Variants in LMO1 observed in about 807,000 individuals in gnomAD.
LMO1 encodes the protein rhombotin-1.
In LMO1, 10 loss-of-function variants were observed where a neutral mutation model predicts 18.0. The observed-to-expected ratio is 0.55, with a 90% CI of 0.34 to 0.94. The LOEUF (loss-of-function observed/expected upper bound fraction) is 0.94. Ranked by LOEUF, LMO1 falls within the 40% of genes least tolerant of loss-of-function variation. LMO1 has a pLI of 0.02. For synonymous variants in LMO1, 77 were observed against 77.9 expected (o/e 0.99, Z 0.06); for missense variants, 183 against 205.7 (o/e 0.89, Z 0.68).
At chr11:8,247,323 C>T (rs1428741804) in intron 1 of LMO1, among the ~76,000 whole-genome samples, 2 of 152,166 alleles carry the variant, frequency 1.3e-5, no homozygotes, top group South Asian at 2.1e-4. Flanking sequence ...CCTGTGAGCC[C>T]CACCTGGCAC....
chr11:8,248,348 C>T (rs528339151), intron 1 of LMO1, among the ~76,000 whole-genome samples: 34 of 152,332 alleles, frequency 2.2e-4, no homozygotes, highest in African/African-American at 8.2e-4. Context: ...TAGTATGGAC[C>T]ACAGGGAGAA....
chr11:8,232,299 G>A lies in LMO1; in HGVS notation c.26-1795C>T, dbSNP rs139608176. ...TGGGGCACAGGATGACTCTGTCCTC[G>A]GGCCTGCCTGTGTCTCTTCTAGCAG... On this transcript the variant is annotated intron_variant, in intron 1 of 3. Transcript: ENST00000335790. 2.8e-3 allele frequency among the ~76,000 whole-genome samples: 427 copies of A among 152,302 alleles called. 1 individual carries two copies. The highest frequency in any genetic ancestry group is 7.7e-3 in the African/African-American group (322 of 41,556).
chr11:8,257,315 C>G (rs995369708), intron 1 of LMO1, among the ~76,000 whole-genome samples: 4 of 152,194 alleles, frequency 2.6e-5, no homozygotes, highest in Non-Finnish European at 4.4e-5. Flanking sequence ...CAACTCCAGA[C>G]AGGACAGGCA....
chr11:8,239,799 A>C (rs1375721626), intron 1 of LMO1, among the ~76,000 whole-genome samples: 1 of 152,210 alleles, frequency 6.6e-6, no homozygotes, highest in Admixed American at 6.5e-5. Context: ...GCTAGAGCCC[A>C]CCACAGGAGG....
At chr11:8,229,565 G>T (rs1038520683) in intron 2 of LMO1, among the ~76,000 whole-genome samples, 1 of 152,228 alleles carries the variant, frequency 6.6e-6, no homozygotes, top group African/African-American at 2.4e-5. Flanking sequence ...TGTCATAAAT[G>T]GCCTCAGGGA....
At chr11:8,242,211 C>A (rs1246481507) in intron 1 of LMO1, among the ~76,000 whole-genome samples, 1 of 152,198 alleles carries the variant, frequency 6.6e-6, no homozygotes, top group Non-Finnish European at 1.5e-5. Flanking sequence ...AACAACAGCT[C>A]TCATGCAAAT....
intron 1 of LMO1, among the ~76,000 whole-genome samples, chr11:8,237,055 A>C (rs1376204072): frequency 6.6e-6 from 1 of 152,158 alleles, no homozygotes; most frequent in Non-Finnish European, 1.5e-5. Context: ...GAAATGGAAG[A>C]GCATGAACCC....
Position 8,252,005 on chromosome 11 carries a change from T to A in LMO1, c.25+11333A>T, listed in dbSNP as rs904193133. On this transcript the variant is annotated intron_variant, in intron 1 of 3. Coordinates refer to ENST00000335790, the MANE Select transcript of LMO1 (RefSeq NM_002315.3). ...GTGTGGGGGTGTGCGTGTGTGTGTGTGAATGTGTGTGAGTGTGTGTGTGAG... is the reference window on the plus strand; with the variant it reads ...GTGTGGGGGTGTGCGTGTGTGTGTGAGAATGTGTGTGAGTGTGTGTGTGAG... Among the ~76,000 whole-genome samples the A allele has an allele frequency of 4.8e-5, 7 of 147,052 alleles. No individual in the cohort carries two copies. The South Asian group carries it at 8.8e-4, about 19-fold the overall frequency.
At chr11:8,227,846 A>T (rs1302514443) in intron 2 of LMO1, among the ~76,000 whole-genome samples, 1 of 152,136 alleles carries the variant, frequency 6.6e-6, no homozygotes, top group East Asian at 1.9e-4. Flanking sequence ...TTTGATTTTT[A>T]AAAATAGAGA....
intron 1 of LMO1, among the ~76,000 whole-genome samples, chr11:8,245,318 A>G (rs1469467083): frequency 6.6e-6 from 1 of 152,160 alleles, no homozygotes; most frequent in African/African-American, 2.4e-5. Flanking sequence ...CCTGGGTTCA[A>G]GTTCAGGCTC....
chr11:8,262,029 A>G (rs1410728448), intron 1 of LMO1, among the ~76,000 whole-genome samples: 1 of 152,166 alleles, frequency 6.6e-6, no homozygotes, highest in Non-Finnish European at 1.5e-5. Flanking sequence ...AGGCGGTAGC[A>G]GCCTGGGGGC....
In LMO1 at chr11:8,263,356, C is replaced by T. The variant is rs1847222152; in HGVS notation, c.7G>A (p.Val3Met). The T allele has an allele frequency of 3.1e-6, 5 of 1,605,132 alleles. No individual in the cohort carries two copies. The highest frequency in any genetic ancestry group is 3.4e-6 in the Non-Finnish European group (4 of 1,178,786). MM[V>M]LDKEDGVPML... Reference sequence around the variant, plus strand: ...CACCTACCGTCCTCCTTGTCCAGCACCATCATCTCGGGCGCTCCGTGTCCA... The same window carrying T: ...CACCTACCGTCCTCCTTGTCCAGCATCATCATCTCGGGCGCTCCGTGTCCA... Residue 3 changes from valine to methionine, a missense_variant, in exon 1 of 4, where the codon GTG becomes ATG. By Grantham distance (21) the Val-to-Met change is conservative. Coordinates refer to ENST00000335790, the MANE Select transcript of LMO1 (RefSeq NM_002315.3).
intron 1 of LMO1, among the ~76,000 whole-genome samples, chr11:8,262,604 C>A (rs1847204670): frequency 6.6e-6 from 1 of 152,254 alleles, no homozygotes; most frequent in African/African-American, 2.4e-5. Context: ...GAGGCTCGAC[C>A]ACGGAAGGTC....
intron 1 of LMO1, among the ~76,000 whole-genome samples, chr11:8,255,762 G>C (rs930767415): frequency 1.3e-5 from 2 of 150,360 alleles, no homozygotes; most frequent in African/African-American, 4.9e-5. Flanking sequence ...TACATTTTAG[G>C]GTAACTGATT....
intron 3 of LMO1, 179 bp downstream of exon 3, chr11:8,226,796 C>T (rs1183420992): frequency 9.1e-6 from 11 of 1,212,930 alleles, no homozygotes; most frequent in African/African-American, 7.6e-5. Context: ...ATTTGGCTAC[C>T]GAGCTTACAC....
rs547676112 is a variant in LMO1 at position 8,224,542 on chromosome 11, T to C, written c.*74A>G. The C allele has an allele frequency of 0.01, 8,935 of 863,720 alleles. 74 individuals are homozygous for C. The highest frequency in any genetic ancestry group is 0.014 in the Non-Finnish European group (7,470 of 536,826). The allele number at this position is 863,720 out of a possible 1,614,324, so 53.5% of individuals were successfully genotyped here. The stretch of plus-strand genomic sequence containing the variant: ...GGCTGGCCAGCCTGCACTGGTAGAG[T>C]GGCTGGCTGGCCGGCCAGGCAGGTG... On this transcript the variant is annotated 3_prime_UTR_variant, in exon 4 of 4. Transcript: ENST00000335790.
At chr11:8,256,776 T>G (rs1316137294) in intron 1 of LMO1, among the ~76,000 whole-genome samples, 1 of 152,186 alleles carries the variant, frequency 6.6e-6, no homozygotes, top group Non-Finnish European at 1.5e-5. Flanking sequence ...AACAAGGGAA[T>G]AGAGGCAAAT....
upstream of LMO1, among the ~76,000 whole-genome samples, chr11:8,266,445 C>A (rs569263385): frequency 1.2e-4 from 19 of 152,224 alleles, no homozygotes; most frequent in East Asian, 3.5e-3. Context: ...TCCTCAGATC[C>A]CCTGGGGCTG....
intron 1 of LMO1, among the ~76,000 whole-genome samples, 162 bp from the exon 2 acceptor site, chr11:8,230,666 G>A (rs2134523756): frequency 6.6e-6 from 1 of 152,258 alleles, no homozygotes; most frequent in East Asian, 1.9e-4. Context: ...CTCCTCCCCT[G>A]GCTCCGGGTC....
Sources: gnomAD v4.1 joint callset for allele counts (sites outside exome capture counted in the v4.1 genomes callset) on GRCh38, gnomAD v4.1.1 for gene constraint, MANE v1.5 for transcripts, NCBI Gene and HGNC (gene_info 2026-07-23, HGNC 2026-07-21) for gene names.